NCMAP: variants seen among roughly 807,000 people sequenced by gnomAD.
NCMAP encodes non-compact myelin associated protein.
In NCMAP, 8 loss-of-function variants were observed where a neutral mutation model predicts 7.8. The observed-to-expected ratio is 1.02, with a 90% confidence interval of 0.60 to 1.84. The LOEUF (loss-of-function observed/expected upper bound fraction) is 1.84. Among genes scored for constraint, NCMAP ranks in the 40% most tolerant of loss-of-function variants. The probability of loss-of-function intolerance (pLI) is 0.00; values close to 1 mark genes in which losing one functional copy is unlikely to be tolerated. For missense variants in NCMAP, 112 were observed against 131.4 expected (o/e 0.85, Z 0.72); for synonymous variants, 41 against 52.9 (o/e 0.78, Z 0.98).
At chr1:24,574,389 G>T (rs148595224) in intron 1 of NCMAP, among the ~76,000 whole-genome samples, 2,332 of 152,110 alleles carry the variant, frequency 0.015, 86 homozygotes, top group African/African-American at 0.053. Context: ...AAAGTGCTGG[G>T]ATTACAGGCA....
chr1:24,597,563 A>G (rs980470986), intron 2 of NCMAP, among the ~76,000 whole-genome samples: 1 of 85,028 alleles, frequency 1.2e-5, no homozygotes, highest in African/African-American at 5.2e-5. Flanking sequence ...GAAGGGGGGG[A>G]GGTTCTCCTG....
intron 2 of NCMAP, among the ~76,000 whole-genome samples, chr1:24,597,627 GAAAGAAAGAAAGAA>G (rs1652289256): frequency 2.9e-5 from 3 of 103,602 alleles, no homozygotes; most frequent in African/African-American, 1.4e-4. Flanking sequence ...GAGAAAGAAA[GAAAGAAAGAAAGAA>G]AGAAAGAAAG....
chr1:24,588,460 G>A (rs191709532), intron 1 of NCMAP, among the ~76,000 whole-genome samples: 3 of 152,262 alleles, frequency 2.0e-5, no homozygotes, highest in African/African-American at 4.8e-5. Context: ...GAGGTCTGCC[G>A]GGGTTGGTAG....
At chr1:24,564,513 C>CAAAAAAAAAAAAAAAAAAA (rs1184189345) in intron 1 of NCMAP, among the ~76,000 whole-genome samples, 1 of 50,016 alleles carries the variant, frequency 2.0e-5, no homozygotes, top group Non-Finnish European at 3.1e-5. Context: ...GATTCTGTCT[C>CAAAAAAAAAAAAAAAAAAA]AAAAAAAAAA....
At chr1:24,600,835 C>A in intron 2 of NCMAP, 105 bp from the exon 3 acceptor site, 1 of 943,254 alleles carries the variant, frequency 1.1e-6, no homozygotes, top group Non-Finnish European at 1.7e-6. Context: ...GCCTTCTCTC[C>A]TGCCTCCCTT....
intron 1 of NCMAP, among the ~76,000 whole-genome samples, chr1:24,572,855 A>G (rs1651429438): frequency 6.6e-6 from 1 of 150,692 alleles, no homozygotes; most frequent in Admixed American, 6.6e-5. Context: ...TTTGGGAAGC[A>G]GAAAACTGGA....
At chr1:24,583,904 A>G (rs1432346281) in intron 1 of NCMAP, among the ~76,000 whole-genome samples, 1 of 152,064 alleles carries the variant, frequency 6.6e-6, no homozygotes, top group African/African-American at 2.4e-5. Context: ...GATTTTGGGC[A>G]AGTCCCTTAA....
chr1:24,563,382 G>A lies in NCMAP; in HGVS notation c.-8+7213G>A, dbSNP rs181606841. ...ACTAAAAATACAAAATTAGCTGGGC[G>A]TGGTGGTGCATGCCTGTAATCCCAG... On this transcript the variant is annotated intron_variant, in intron 1 of 3. Coordinates refer to ENST00000374392, the MANE Select transcript of NCMAP (RefSeq NM_001010980.5). 9.2e-5 allele frequency among the ~76,000 whole-genome samples: 14 copies of A among 152,200 alleles called. No individual in the cohort carries two copies. The East Asian group carries it at 1.9e-3, about 21-fold the overall frequency.
intron 1 of NCMAP, among the ~76,000 whole-genome samples, chr1:24,557,889 G>A (rs183736899): frequency 1.3e-5 from 2 of 152,174 alleles, no homozygotes; most frequent in Non-Finnish European, 2.9e-5. Context: ...GCTGGGCTCT[G>A]TGGGAATCTA....
chr1:24,556,388 T>C (rs1650896393), intron 1 of NCMAP, among the ~76,000 whole-genome samples: 1 of 152,154 alleles, frequency 6.6e-6, no homozygotes, highest in Non-Finnish European at 1.5e-5. Context: ...GGAGGGAGGC[T>C]GATCATCTCC....
Position 24,579,817 on chromosome 1 carries a change from G to A in NCMAP, c.-7-15607G>A, listed in dbSNP as rs558765821. 5.9e-5 allele frequency among the ~76,000 whole-genome samples: 9 copies of A among 152,288 alleles called. No homozygotes were observed. The South Asian group carries it at 1.2e-3, about 21-fold the overall frequency. Reference sequence around the variant, plus strand: ...TCAACTAGCAGCCTCTCCATAGGCCGACTGGACAGAACCTGGCCATTGTAT... The same window carrying A: ...TCAACTAGCAGCCTCTCCATAGGCCAACTGGACAGAACCTGGCCATTGTAT... On this transcript the variant is annotated intron_variant, in intron 1 of 3. Coordinates refer to ENST00000374392, the MANE Select transcript of NCMAP (RefSeq NM_001010980.5).
chr1:24,569,118 C>T (rs1011498075), intron 1 of NCMAP, among the ~76,000 whole-genome samples: 4 of 152,020 alleles, frequency 2.6e-5, no homozygotes, highest in Non-Finnish European at 5.9e-5. Flanking sequence ...CTCAGCCTCC[C>T]GAGTAGCTGA....
intron 2 of NCMAP, among the ~76,000 whole-genome samples, chr1:24,599,997 A>AT (rs56946336): frequency 0.23 from 34,550 of 150,864 alleles, 4,950 homozygotes; most frequent in East Asian, 0.41. Flanking sequence ...TATAACGGGT[A>AT]TTTTTTTTTA....
intron 1 of NCMAP, among the ~76,000 whole-genome samples, chr1:24,564,757 T>C (rs1651172205): frequency 6.6e-6 from 1 of 151,852 alleles, no homozygotes; most frequent in African/African-American, 2.4e-5. Context: ...ATTAAGAATA[T>C]GAAAGACCAG....
chr1:24,597,462 C>T (rs1313292659), intron 2 of NCMAP, among the ~76,000 whole-genome samples: 1 of 135,570 alleles, frequency 7.4e-6, no homozygotes, highest in African/African-American at 2.8e-5. Context: ...CGAGATCACA[C>T]CACTGCACTC....
intron 1 of NCMAP, among the ~76,000 whole-genome samples, chr1:24,577,501 C>CT (rs1651621571): frequency 6.8e-6 from 1 of 147,300 alleles, no homozygotes; most frequent in South Asian, 2.1e-4. Flanking sequence ...CCTCCAGCTC[C>CT]TGGCCTCAAG....
intron 1 of NCMAP, among the ~76,000 whole-genome samples, chr1:24,567,258 C>A (rs187714844): frequency 6.6e-6 from 1 of 152,208 alleles, no homozygotes; most frequent in East Asian, 1.9e-4. Context: ...AAGGCAGGTC[C>A]CCCAGGGAGC....
At chr1:24,602,964 C>T (rs911148993) in intron 3 of NCMAP, among the ~76,000 whole-genome samples, 5 of 151,694 alleles carry the variant, frequency 3.3e-5, no homozygotes, top group African/African-American at 4.9e-5. Flanking sequence ...CACTTGAACC[C>T]GGGAGGCGGA....
intron 1 of NCMAP, among the ~76,000 whole-genome samples, chr1:24,575,168 G>A (rs1651513654): frequency 6.6e-6 from 1 of 151,476 alleles, no homozygotes; most frequent in South Asian, 2.1e-4. Flanking sequence ...CCGAGATCGT[G>A]CCACTGCACT....
Sources: gnomAD v4.1 joint callset for allele counts (sites outside exome capture counted in the v4.1 genomes callset) on GRCh38, gnomAD v4.1.1 for gene constraint, MANE v1.5 for transcripts, NCBI Gene and HGNC (gene_info 2026-07-23, HGNC 2026-07-21) for gene names.